The following MAGI3 variants were observed in gnomAD, a reference collection of about 807,000 sequenced individuals.
MAGI3 encodes the protein membrane-associated guanylate kinase, WW and PDZ domain-containing protein 3.
MAGI3 carries 43 observed loss-of-function variants against 121.8 expected under a neutral mutation model. The ratio of observed to expected loss-of-function variants is 0.35; its 90% CI spans 0.28 to 0.46. The LOEUF (loss-of-function observed/expected upper bound fraction) is 0.46. Ranked by LOEUF, MAGI3 falls within the 20% of genes least tolerant of loss-of-function variation. MAGI3 has a pLI of 1.00. For missense variants in MAGI3, 1,547 were observed against 1,797.3 expected, an observed-to-expected ratio of 0.86 and a Z score of 2.52; for synonymous variants, 553 against 639.3, an observed-to-expected ratio of 0.86 and a Z score of 2.04.
At chr1:113,581,620 T>G (rs1274266839) in intron 3 of MAGI3, among the ~76,000 whole-genome samples, 1 of 152,154 alleles carries the variant, frequency 6.6e-6, no homozygotes, top group Non-Finnish European at 1.5e-5. Flanking sequence ...AGAGCTCATG[T>G]GTGGACTATT....
chr1:113,435,775 GA>G (rs1188147703), intron 1 of MAGI3, among the ~76,000 whole-genome samples: 1 of 152,006 alleles, frequency 6.6e-6, no homozygotes, highest in Non-Finnish European at 1.5e-5. Flanking sequence ...AAATCAGGTG[GA>G]AAAAGGGACA....
At chr1:113,594,664 T>A in intron 6 of MAGI3, 104 bp downstream of exon 6, 4 of 821,040 alleles carry the variant, frequency 4.9e-6, no homozygotes, top group African/African-American at 1.7e-5. Flanking sequence ...AACCATAATG[T>A]ACACAAGCAA....
chr1:113,558,747 CCAAGA>C (rs1306647278), intron 2 of MAGI3, among the ~76,000 whole-genome samples: 1 of 152,038 alleles, frequency 6.6e-6, no homozygotes, highest in Non-Finnish European at 1.5e-5. Context: ...AAAATCATCC[CCAAGA>C]CAATTCATAA....
intron 1 of MAGI3, among the ~76,000 whole-genome samples, chr1:113,542,760 C>T (rs895641170): frequency 3.9e-5 from 6 of 152,266 alleles, no homozygotes; most frequent in Non-Finnish European, 5.9e-5. Flanking sequence ...GGTACATACG[C>T]GTGTGCACAC....
At chr1:113,455,228 G>A (rs932988598) in intron 1 of MAGI3, among the ~76,000 whole-genome samples, 5 of 152,038 alleles carry the variant, frequency 3.3e-5, no homozygotes, top group Non-Finnish European at 5.9e-5. Context: ...AAGAACGGGG[G>A]AAATCATTTA....
In MAGI3 at chr1:113,681,484, A is replaced by G. The variant is rs534582264; in HGVS notation, c.3328+148A>G. Reference sequence around the variant, plus strand: ...CCATGAAAAGCTAGTTACATAGCAGAGTTATCATAAATAGTATTAGAAAAC... The same window carrying G: ...CCATGAAAAGCTAGTTACATAGCAGGGTTATCATAAATAGTATTAGAAAAC... On this transcript the variant is annotated intron_variant, in intron 20 of 20. Transcript: ENST00000307546. 8.6e-6 allele frequency: 7 copies of G among 812,572 alleles called. No homozygotes were observed. The South Asian group carries it at 1.7e-4, about 20-fold the overall frequency. The allele number at this position is 812,572 out of a possible 1,614,324, so 50.3% of individuals were successfully genotyped here. A position where few individuals can be genotyped will look rare whatever the true frequency, so the allele number is the denominator to read the frequency against.
chr1:113,484,668 CT>C (rs1656272273), intron 1 of MAGI3, among the ~76,000 whole-genome samples: 3 of 35,086 alleles, frequency 8.6e-5, no homozygotes, highest in Non-Finnish European at 1.7e-4. Context: ...CTCCCCTCCC[CT>C]CCCTTCCCAT....
chr1:113,525,831 G>C (rs559247912), intron 1 of MAGI3, among the ~76,000 whole-genome samples: 1 of 151,856 alleles, frequency 6.6e-6, no homozygotes, highest in Admixed American at 6.6e-5. Context: ...GTGAAACCCC[G>C]TCTCTAGTAA....
rs962653208 is a variant in MAGI3 at position 113,569,138 on chromosome 1, G to A, written c.434-11404G>A. 5.3e-5 allele frequency among the ~76,000 whole-genome samples: 8 copies of A among 152,188 alleles called. 1 individual carries two copies. In the South Asian group the frequency reaches 1.7e-3, roughly 32 times the overall value. ...GTTTCTATGCCATTTTCCTCAGCAAGCTAATGTTTTTTATCATCAAATAGC... is the reference window on the plus strand; with the variant it reads ...GTTTCTATGCCATTTTCCTCAGCAAACTAATGTTTTTTATCATCAAATAGC... On this transcript the variant is annotated intron_variant, in intron 2 of 20. Transcript: ENST00000307546.
chr1:113,640,282 G>C (rs1238460995), intron 9 of MAGI3, among the ~76,000 whole-genome samples: 2 of 142,446 alleles, frequency 1.4e-5, no homozygotes, highest in Non-Finnish European at 3.2e-5. Context: ...ACTATTGGTG[G>C]GAGTATAAAT....
At chr1:113,427,831 TCAA>T (rs1653089592) in intron 1 of MAGI3, among the ~76,000 whole-genome samples, 2 of 152,162 alleles carry the variant, frequency 1.3e-5, no homozygotes, top group African/African-American at 4.8e-5. Context: ...TGAGGATAAC[TCAA>T]CAACAAGAAA....
chr1:113,474,192 A>G (rs977489750), intron 1 of MAGI3, among the ~76,000 whole-genome samples: 1 of 151,694 alleles, frequency 6.6e-6, no homozygotes. Flanking sequence ...GATCGCAAAA[A>G]TTTTCTCCCA....
intron 1 of MAGI3, among the ~76,000 whole-genome samples, chr1:113,442,724 C>G (rs1653980455): frequency 6.6e-6 from 1 of 151,972 alleles, no homozygotes; most frequent in African/African-American, 2.4e-5. Flanking sequence ...ATCCTCCCAC[C>G]TCAGCCTCTC....
At chr1:113,644,308 T>G (rs1220434199) in intron 11 of MAGI3, among the ~76,000 whole-genome samples, 1 of 152,026 alleles carries the variant, frequency 6.6e-6, no homozygotes, top group Non-Finnish European at 1.5e-5. Flanking sequence ...TGAGACGGAG[T>G]CTTGCTCTGT....
chr1:113,555,103 T>TA (rs1161352147), intron 2 of MAGI3, among the ~76,000 whole-genome samples: 1 of 151,382 alleles, frequency 6.6e-6, no homozygotes, highest in South Asian at 2.1e-4. Context: ...ATAACATCTT[T>TA]AACATGCTGC....
chr1:113,577,908 T>C (rs1433068786), intron 2 of MAGI3, among the ~76,000 whole-genome samples: 1 of 152,242 alleles, frequency 6.6e-6, no homozygotes, highest in East Asian at 1.9e-4. Flanking sequence ...TAAATTGTTT[T>C]TTAGTCATTA....
intron 1 of MAGI3, among the ~76,000 whole-genome samples, chr1:113,407,572 C>CTT (rs60748388): frequency 3.0e-4 from 44 of 146,936 alleles, no homozygotes; most frequent in South Asian, 8.6e-4. Context: ...ATCAATCTGT[C>CTT]TTTTTTTTTT....
Position 113,594,557 on chromosome 1 carries a change from G to C in MAGI3, c.1015G>C (p.Gly339Arg). 6.2e-7 allele frequency: 1 copy of C among 1,609,716 alleles called. No homozygotes were observed. Among genetic ancestry groups the C allele is most frequent in the Non-Finnish European group, 8.5e-7 (1 of 1,177,542 alleles). Residue 339 changes from glycine to arginine, a missense_variant, in exon 6 of 21, where the codon GGA (glycine) becomes CGA (arginine). By Grantham distance (125) the Gly-to-Arg change is moderately radical. Coordinates refer to ENST00000307546, the MANE Select transcript of MAGI3 (RefSeq NM_001142782.2). ...CAAAGCCCCTGAAGACTGTGAAGAT[G>C]GAGGTAGAGATTCAGAAACTTACTC... ...KAKAPEDCEDGELPYGWEKIE... is the reference protein window; with the variant it reads ...KAKAPEDCEDRELPYGWEKIE...
At chr1:113,399,772 A>G (rs1234846303) in intron 1 of MAGI3, among the ~76,000 whole-genome samples, 1 of 152,162 alleles carries the variant, frequency 6.6e-6, no homozygotes, top group African/African-American at 2.4e-5. Flanking sequence ...TTGGAAGATT[A>G]ACAGTCTTTG....
Sources: allele counts gnomAD v4.1 joint callset (sites outside exome capture counted in the v4.1 genomes callset), GRCh38; gene constraint gnomAD v4.1.1; transcripts MANE v1.5; gene names NCBI Gene and HGNC (gene_info 2026-07-23, HGNC 2026-07-21).